Variants in KIRREL1 observed in about 807,000 individuals in gnomAD.
KIRREL1 encodes kirre like nephrin family adhesion molecule 1, also known as kin of IRRE-like protein 1.
A neutral mutation model predicts 83.3 loss-of-function variants in KIRREL1; 25 were observed. The observed-to-expected ratio is 0.30, with a 90% CI of 0.22 to 0.42. The LOEUF (loss-of-function observed/expected upper bound fraction) is 0.42, where lower values mean the gene tolerates loss of function less well. KIRREL1 is among the 10% of genes least tolerant of loss of function. KIRREL1 has a pLI of 1.00. For synonymous variants in KIRREL1, 388 were observed against 410.4 expected, an observed-to-expected ratio of 0.95 and a Z score of 0.66; for missense variants, 812 against 1,032.3, an observed-to-expected ratio of 0.79 and a Z score of 2.92.
At chr1:158,072,228 G>A (rs1205969306) in intron 1 of KIRREL1, among the ~76,000 whole-genome samples, 2 of 152,052 alleles carry the variant, frequency 1.3e-5, no homozygotes, top group Non-Finnish European at 2.9e-5. Flanking sequence ...TCTCTACCTC[G>A]GTGGAAGTCT....
At chr1:158,086,245 C>T (rs1207521268) in intron 4 of KIRREL1, among the ~76,000 whole-genome samples, 3 of 152,020 alleles carry the variant, frequency 2.0e-5, no homozygotes, top group Non-Finnish European at 4.4e-5. Context: ...CTTAAAACTG[C>T]TCCAAAAGAT....
rs562996454 is a variant in KIRREL1 at position 158,094,371 on chromosome 1, G to A, written c.1778G>A (p.Arg593Gln). Residue 593 changes from arginine (R) to glutamine (Q), a missense_variant, in exon 14 of 15, where the codon CGG (arginine) becomes CAG (glutamine). Arg to Gln is a conservative substitution (Grantham distance 43). Transcript: ENST00000359209. This position sits in a 1 kb window ranked among gnomAD's most constrained non-coding sequence, Gnocchi z 4.6. Reference sequence around the variant, plus strand: ...CTGCGCTGCGACACCATCGACACCCGGGAGGAGTATGAGATGAAGGTGGGA... The same window carrying A: ...CTGCGCTGCGACACCATCGACACCCAGGAGGAGTATGAGATGAAGGTGGGA... ...QDLRCDTIDTREEYEMKDPTN... is the reference protein window; with the variant it reads ...QDLRCDTIDTQEEYEMKDPTN... 4.7e-5 allele frequency: 74 copies of A among 1,572,706 alleles called. 1 individual carries two copies. The highest frequency in any genetic ancestry group is 2.0e-4 in the South Asian group (18 of 89,910).
intron 1 of KIRREL1, among the ~76,000 whole-genome samples, chr1:158,001,565 A>G (rs1659361403): frequency 6.6e-6 from 1 of 152,156 alleles, no homozygotes; most frequent in African/African-American, 2.4e-5. Flanking sequence ...AGAGCTAGAG[A>G]GTCCAGAGAA....
At chr1:158,004,677 C>T (rs1405906586) in intron 1 of KIRREL1, among the ~76,000 whole-genome samples, 1 of 152,126 alleles carries the variant, frequency 6.6e-6, no homozygotes, top group Non-Finnish European at 1.5e-5. Context: ...GGCATGGTGG[C>T]TCATACCTGT....
chr1:158,048,930 G>A lies in KIRREL1; in HGVS notation c.53-27183G>A, dbSNP rs543168476. On this transcript the variant is annotated intron_variant, in intron 1 of 14. Coordinates refer to ENST00000359209, the MANE Select transcript of KIRREL1 (RefSeq NM_018240.7). Reference sequence around the variant, plus strand: ...CTCACTTCTGAGAGAGAATTGAAAGGTAAGGTGGAGATGCTAAGGGAGGTA... The same window carrying A: ...CTCACTTCTGAGAGAGAATTGAAAGATAAGGTGGAGATGCTAAGGGAGGTA... Among the ~76,000 whole-genome samples the A allele has an allele frequency of 3.3e-5, 5 of 152,294 alleles. No individual in the cohort carries two copies. The South Asian group carries it at 8.3e-4, about 25-fold the overall frequency.
chr1:158,004,665 C>G (rs1251975517), intron 1 of KIRREL1, among the ~76,000 whole-genome samples: 1 of 152,148 alleles, frequency 6.6e-6, no homozygotes, highest in Non-Finnish European at 1.5e-5. Flanking sequence ...GTCTTTCAGC[C>G]AGGCATGGTG....
Position 158,006,794 on chromosome 1 carries a change from C to T in KIRREL1, c.52+13066C>T, listed in dbSNP as rs888009718. 3.3e-5 allele frequency among the ~76,000 whole-genome samples: 5 copies of T among 152,228 alleles called. No homozygotes were observed. In the East Asian group the frequency reaches 9.6e-4, roughly 29 times the overall value. ...CTCTCCACGGGAGCCAGGCTGAGAG[C>T]AGTGCTGACATCTGCTGCTGAAGCC... On this transcript the variant is annotated intron_variant, in intron 1 of 14. Transcript: ENST00000359209.
intron 12 of KIRREL1, 80 bp from the exon 13 acceptor site, chr1:158,093,543 T>C: frequency 1.2e-6 from 2 of 1,605,886 alleles, no homozygotes; most frequent in African/African-American, 2.7e-5. Context: ...GCCCTTGAGC[T>C]CCAGCCCAGA....
At chr1:158,010,995 G>C (rs992878886) in intron 1 of KIRREL1, among the ~76,000 whole-genome samples, 2 of 152,176 alleles carry the variant, frequency 1.3e-5, no homozygotes, top group African/African-American at 4.8e-5. Flanking sequence ...GCTGACCAGA[G>C]CTGAGCTGTG....
chr1:158,091,945 C>T (rs954843344), intron 11 of KIRREL1, among the ~76,000 whole-genome samples: 1 of 152,176 alleles, frequency 6.6e-6, no homozygotes, highest in Non-Finnish European at 1.5e-5. Context: ...AAGAAACTTT[C>T]GGTGTAGTGG....
chr1:158,095,168 T>C lies in KIRREL1; in HGVS notation c.*48T>C. Reference sequence around the variant, plus strand: ...TCTCTGCGGGGCAGAGGAGAAGGCTTTCACAGCTGTTCCCTGATATTCAGG... The same window carrying C: ...TCTCTGCGGGGCAGAGGAGAAGGCTCTCACAGCTGTTCCCTGATATTCAGG... On this transcript the variant is annotated 3_prime_UTR_variant, in exon 15 of 15. Transcript: ENST00000359209. 1 of 1,296,952 alleles carries C rather than the reference T, an allele frequency of 7.7e-7. No homozygotes were observed. Among genetic ancestry groups the C allele is most frequent in the Non-Finnish European group, 1.1e-6 (1 of 936,482 alleles). The allele number at this position is 1,296,952 out of a possible 1,614,324, so 80.3% of individuals were successfully genotyped here.
At chr1:158,090,764 A>G (rs1005286917) in intron 10 of KIRREL1, among the ~76,000 whole-genome samples, 5 of 152,198 alleles carry the variant, frequency 3.3e-5, no homozygotes, top group Admixed American at 3.3e-4. Flanking sequence ...GGTTAAAGGT[A>G]CGCCTAAAGA....
At chr1:158,002,665 C>T (rs1266427648) in intron 1 of KIRREL1, among the ~76,000 whole-genome samples, 3 of 152,012 alleles carry the variant, frequency 2.0e-5, no homozygotes, top group Non-Finnish European at 4.4e-5. Flanking sequence ...CACATATTGA[C>T]AATTTTATAA....
intron 8 of KIRREL1, among the ~76,000 whole-genome samples, 165 bp downstream of exon 8, chr1:158,088,619 G>A (rs1296638223): frequency 6.6e-6 from 1 of 151,066 alleles, no homozygotes; most frequent in Non-Finnish European, 1.5e-5. Context: ...CGAGTAGCTG[G>A]GACTACAGGC....
At chr1:158,066,355 G>A (rs554720930) in intron 1 of KIRREL1, among the ~76,000 whole-genome samples, 1 of 152,178 alleles carries the variant, frequency 6.6e-6, no homozygotes, top group Non-Finnish European at 1.5e-5. Flanking sequence ...TCATACCATA[G>A]TGTCCTCTTA....
intron 1 of KIRREL1, among the ~76,000 whole-genome samples, chr1:158,039,845 T>A (rs1408510339): frequency 1.3e-5 from 2 of 152,220 alleles, no homozygotes; most frequent in African/African-American, 4.8e-5. Flanking sequence ...GGGAGAGAGC[T>A]TGTCTGTCTT....
At chr1:158,032,778 T>G (rs968619461) in intron 1 of KIRREL1, among the ~76,000 whole-genome samples, 1 of 152,182 alleles carries the variant, frequency 6.6e-6, no homozygotes, top group Admixed American at 6.5e-5. Flanking sequence ...TTCTTTTTTC[T>G]TTTTCTTTTT....
intron 1 of KIRREL1, among the ~76,000 whole-genome samples, chr1:157,994,042 C>T (rs1275727707): frequency 6.6e-6 from 1 of 152,256 alleles, no homozygotes; most frequent in African/African-American, 2.4e-5. Flanking sequence ...TCTTGAGCTT[C>T]TGGCAGCCCT....
intron 1 of KIRREL1, among the ~76,000 whole-genome samples, chr1:158,021,248 A>T (rs7555783): frequency 0.1 from 15,395 of 152,134 alleles, 1,060 homozygotes; most frequent in South Asian, 0.21. Context: ...TGTTATCAGA[A>T]TTATTTTCTG....
Sources: gnomAD v4.1 joint callset for allele counts (sites outside exome capture counted in the v4.1 genomes callset) on GRCh38, gnomAD v4.1.1 for gene constraint, Gnocchi (gnomAD v3.1) non-coding constraint, MANE v1.5 for transcripts, NCBI Gene and HGNC (gene_info 2026-07-23, HGNC 2026-07-21) for gene names.